PARD3: variants seen among roughly 807,000 people sequenced by gnomAD.
The protein encoded by PARD3 is par-3 family cell polarity regulator, also known as partitioning defective 3 homolog.
PARD3 carries 75 observed loss-of-function variants against 155.4 expected under a neutral mutation model. The ratio of observed to expected loss-of-function variants is 0.48; its 90% CI spans 0.40 to 0.58. The LOEUF is 0.58. PARD3 is among the 20% of genes least tolerant of loss of function. The pLI is 0.00. For synonymous variants in PARD3, 576 were observed against 610.5 expected, an observed-to-expected ratio of 0.94 and a Z score of 0.83; for missense variants, 1,642 against 1,721.7, an observed-to-expected ratio of 0.95 and a Z score of 0.82.
intron 20 of PARD3, among the ~76,000 whole-genome samples, chr10:34,299,465 T>A (rs369175582): frequency 1.3e-5 from 2 of 152,226 alleles, no homozygotes; most frequent in Non-Finnish European, 1.5e-5. Context: ...GCTGTATGTA[T>A]AGACAACGGT....
At chr10:34,750,071 A>AC (rs1835803944) in intron 1 of PARD3, among the ~76,000 whole-genome samples, 3 of 144,624 alleles carry the variant, frequency 2.1e-5, no homozygotes, top group African/African-American at 7.7e-5. Flanking sequence ...ACACACACAC[A>AC]AAACCCGCAG....
chr10:34,411,746 AG>A (rs1184943927), intron 5 of PARD3, among the ~76,000 whole-genome samples: 2 of 143,540 alleles, frequency 1.4e-5, no homozygotes, highest in Admixed American at 6.8e-5. Context: ...ATAGATAGAT[AG>A]ATAGATAGAT....
At chr10:34,228,588 T>A (rs1279590675) in intron 22 of PARD3, among the ~76,000 whole-genome samples, 1 of 152,106 alleles carries the variant, frequency 6.6e-6, no homozygotes, top group African/African-American at 2.4e-5. Flanking sequence ...TGCACAACTC[T>A]ATGAATTTAC....
intron 7 of PARD3, 30 bp from the exon 8 acceptor site, chr10:34,384,284 C>T: frequency 6.2e-7 from 1 of 1,601,142 alleles, no homozygotes; most frequent in Non-Finnish European, 8.5e-7. Context: ...AATGATTACA[C>T]ATGTAATATC....
chr10:34,801,477 G>T (rs1316272499), intron 1 of PARD3, among the ~76,000 whole-genome samples: 1 of 152,170 alleles, frequency 6.6e-6, no homozygotes, highest in African/African-American at 2.4e-5. Context: ...TAGTCCTCTT[G>T]AATACAAAGC....
At chr10:34,168,606 A>G (rs1327265894) in intron 22 of PARD3, among the ~76,000 whole-genome samples, 1 of 152,162 alleles carries the variant, frequency 6.6e-6, no homozygotes, top group South Asian at 2.1e-4. Flanking sequence ...CTGCACTCTG[A>G]TATGTCCTGA....
chr10:34,223,756 G>C (rs1213561671), intron 22 of PARD3, among the ~76,000 whole-genome samples: 1 of 152,118 alleles, frequency 6.6e-6, no homozygotes, highest in African/African-American at 2.4e-5. Flanking sequence ...GCACAAGGTA[G>C]GTCCACCCAG....
chr10:34,500,290 A>C (rs191734632), intron 3 of PARD3, among the ~76,000 whole-genome samples: 51 of 152,370 alleles, frequency 3.3e-4, no homozygotes, highest in Non-Finnish European at 7.3e-5. Flanking sequence ...AATTATCTAA[A>C]AGATTAGTAA....
intron 2 of PARD3, among the ~76,000 whole-genome samples, chr10:34,624,774 A>C (rs889697336): frequency 1.3e-5 from 2 of 152,226 alleles, no homozygotes; most frequent in African/African-American, 2.4e-5. Context: ...TCTGATGTCA[A>C]CCAGGTGAGG....
intron 2 of PARD3, among the ~76,000 whole-genome samples, chr10:34,565,815 T>G (rs554435993): frequency 6.6e-6 from 1 of 152,314 alleles, no homozygotes; most frequent in East Asian, 1.9e-4. Context: ...GGAGGAAAGC[T>G]TCAAAAAATG....
chr10:34,762,923 A>G (rs1205407950), intron 1 of PARD3, among the ~76,000 whole-genome samples: 1 of 152,252 alleles, frequency 6.6e-6, no homozygotes, highest in East Asian at 1.9e-4. Flanking sequence ...AACATTGTAC[A>G]TCAGACCATC....
intron 3 of PARD3, among the ~76,000 whole-genome samples, chr10:34,510,199 C>T (rs1035458604): frequency 6.6e-6 from 1 of 152,176 alleles, no homozygotes; most frequent in South Asian, 2.1e-4. Context: ...AGCAATCACA[C>T]CATATATGCC....
chr10:34,753,318 T>C (rs549539979), intron 1 of PARD3, among the ~76,000 whole-genome samples: 5 of 152,304 alleles, frequency 3.3e-5, no homozygotes, highest in South Asian at 2.1e-4. Context: ...CAGGCAAACC[T>C]TGAAGAACAG....
At position 34,594,674 on chromosome 10, in the gene PARD3, T is replaced by C. The variant is rs577655789; in HGVS notation, c.223-77515A>G. On this transcript the variant is annotated intron_variant, in intron 2 of 24. Transcript: ENST00000374788. ...GGTGAGACCTCAACTCTACAAAATA[T>C]ACAAAAATTAGCCAGGTATGATGGC... Among the ~76,000 whole-genome samples, 42 of 152,080 alleles carry C rather than the reference T, an allele frequency of 2.8e-4. No homozygotes were observed. The South Asian group carries it at 8.7e-3, about 32-fold the overall frequency.
chr10:34,695,203 G>A (rs1286780763), intron 2 of PARD3, among the ~76,000 whole-genome samples: 1 of 152,210 alleles, frequency 6.6e-6, no homozygotes. Context: ...AGGGCCGGGT[G>A]TGGTGGCTCA....
At chr10:34,585,361 C>G (rs1242572325) in intron 2 of PARD3, among the ~76,000 whole-genome samples, 2 of 152,164 alleles carry the variant, frequency 1.3e-5, no homozygotes, top group East Asian at 3.9e-4. Flanking sequence ...TAGTCCTGCA[C>G]CCATTAACTT....
At chr10:34,766,617 CA>C (rs34958448) in intron 1 of PARD3, among the ~76,000 whole-genome samples, 36,091 of 82,056 alleles carry the variant, frequency 0.44, 4,004 homozygotes, top group South Asian at 0.61. Flanking sequence ...ACTTAATTGA[CA>C]AAAAAAAAAA....
chr10:34,722,749 C>G (rs2094628723), intron 1 of PARD3, among the ~76,000 whole-genome samples: 1 of 152,160 alleles, frequency 6.6e-6, no homozygotes, highest in South Asian at 2.1e-4. Context: ...ATTTTGTAAG[C>G]CACCTTTCAA....
intron 15 of PARD3, chr10:34,346,225 G>C: frequency 8.7e-7 from 1 of 1,151,932 alleles, no homozygotes; most frequent in South Asian, 1.9e-5. Context: ...TAATGAAGCT[G>C]TAGCTAACAA....
Sources: gnomAD v4.1 joint callset for allele counts (sites outside exome capture counted in the v4.1 genomes callset) on GRCh38, gnomAD v4.1.1 for gene constraint, MANE v1.5 for transcripts, NCBI Gene and HGNC (gene_info 2026-07-23, HGNC 2026-07-21) for gene names.